Variants in SCRG1 observed in about 807,000 individuals in gnomAD.
SCRG1 encodes stimulator of chondrogenesis 1, also known as scrapie-responsive protein 1.
In SCRG1, 3 loss-of-function variants were observed where a neutral mutation model predicts 7.7. The observed-to-expected ratio is 0.39, with a 90% CI of 0.18 to 1.01. The LOEUF (loss-of-function observed/expected upper bound fraction) is 1.01, where lower values mean the gene tolerates loss of function less well. Ranked by LOEUF, SCRG1 falls within the 50% of genes least tolerant of loss-of-function variation. SCRG1 has a pLI of 0.36. For missense variants in SCRG1, 110 were observed against 117.2 expected (o/e 0.94, Z 0.28); for synonymous variants, 46 against 41.2 (o/e 1.12, Z -0.44).
chr4:173,514,223 G>A, the SCRG1 span, among the ~76,000 whole-genome samples: 3 of 152,220 alleles, frequency 2.0e-5, no homozygotes, highest in Non-Finnish European at 4.4e-5. Context: ...AGACTTGTCA[G>A]TTTAAAGCCA....
At chr4:173,444,953 G>T in the SCRG1 span, among the ~76,000 whole-genome samples, 136 of 152,138 alleles carry the variant, frequency 8.9e-4, 1 homozygote, top group Middle Eastern at 6.8e-3. Flanking sequence ...CCAAGAAAGC[G>T]TAATAATTGA....
intron 1 of SCRG1, 136 bp from the exon 2 acceptor site, chr4:173,391,564 G>C: frequency 3.5e-6 from 3 of 852,344 alleles, no homozygotes; most frequent in Non-Finnish European, 5.5e-6. Context: ...AATCCTGTTT[G>C]TGTTTCTCAA....
the SCRG1 span, chr4:173,419,679 C>T: frequency 1.3e-6 from 1 of 798,838 alleles, no homozygotes; most frequent in East Asian, 2.5e-5. Context: ...CCATCCACAG[C>T]TCCCTTCGGG....
chr4:173,435,567 A>G, the SCRG1 span, among the ~76,000 whole-genome samples: 1 of 152,238 alleles, frequency 6.6e-6, no homozygotes, highest in East Asian at 1.9e-4. Context: ...AGGTGACTTC[A>G]AAACTGTCCA....
At chr4:173,512,943 C>T in the SCRG1 span, among the ~76,000 whole-genome samples, 3 of 152,314 alleles carry the variant, frequency 2.0e-5, no homozygotes, top group Non-Finnish European at 2.9e-5. Flanking sequence ...CAAGTCTACA[C>T]ATAGTTATTA....
At chr4:173,485,036 T>A in the SCRG1 span, among the ~76,000 whole-genome samples, 2,715 of 10,860 alleles carry the variant, frequency 0.25, 554 homozygotes, top group East Asian at 0.4. Context: ...ATATTATATA[T>A]TATATATTAT....
the SCRG1 span, among the ~76,000 whole-genome samples, chr4:173,477,204 G>A: frequency 2.0e-5 from 3 of 152,092 alleles, no homozygotes. Context: ...CACTTATCTC[G>A]TGTCTCATAT....
the SCRG1 span, among the ~76,000 whole-genome samples, chr4:173,460,514 G>A: frequency 6.6e-6 from 1 of 152,198 alleles, no homozygotes; most frequent in African/African-American, 2.4e-5. Context: ...GACTCATGAG[G>A]CCTCCATTCC....
the SCRG1 span, among the ~76,000 whole-genome samples, chr4:173,465,396 C>A: frequency 6.6e-6 from 1 of 152,014 alleles, no homozygotes; most frequent in Non-Finnish European, 1.5e-5. Context: ...ATTAACAGGG[C>A]AACTGATAAA....
the SCRG1 span, among the ~76,000 whole-genome samples, chr4:173,508,191 G>A: frequency 3.9e-5 from 6 of 152,240 alleles, no homozygotes; most frequent in Non-Finnish European, 8.8e-5. The surrounding 1 kb of genome is among the most constrained non-coding windows in gnomAD (Gnocchi z 4.4). Flanking sequence ...AATGTACAGA[G>A]CAAGACTTGA....
At chr4:173,418,571 C>G in the SCRG1 span, among the ~76,000 whole-genome samples, 13 of 152,216 alleles carry the variant, frequency 8.5e-5, no homozygotes, top group African/African-American at 3.1e-4. Context: ...AGTTTGAACA[C>G]GAGTCTGGTT....
chr4:173,410,737 C>G (rs1280529239), upstream of SCRG1, among the ~76,000 whole-genome samples: 1 of 152,114 alleles, frequency 6.6e-6, no homozygotes, highest in African/African-American at 2.4e-5. Flanking sequence ...TCTCTAAGAG[C>G]TGAAGGGTTT....
the SCRG1 span, among the ~76,000 whole-genome samples, chr4:173,482,966 T>A: frequency 3.0e-5 from 4 of 133,534 alleles, no homozygotes; most frequent in Middle Eastern, 3.8e-3. Flanking sequence ...GTACATATTG[T>A]ATATATAATA....
the SCRG1 span, among the ~76,000 whole-genome samples, chr4:173,433,981 C>A: frequency 6.6e-6 from 1 of 152,208 alleles, no homozygotes; most frequent in Non-Finnish European, 1.5e-5. Flanking sequence ...CTTAGTGCCT[C>A]TTTGCTTTTT....
At chr4:173,483,216 TA>T in the SCRG1 span, among the ~76,000 whole-genome samples, 8 of 33,992 alleles carry the variant, frequency 2.4e-4, no homozygotes, top group East Asian at 3.7e-3. Flanking sequence ...ATATATCATA[TA>T]ATATATATAT....
the SCRG1 span, among the ~76,000 whole-genome samples, chr4:173,479,467 G>C: frequency 7.2e-6 from 1 of 138,854 alleles, no homozygotes; most frequent in Non-Finnish European, 1.5e-5. Flanking sequence ...TTGAGACAGA[G>C]TCTTGCTCTG....
intron 1 of SCRG1, among the ~76,000 whole-genome samples, chr4:173,393,151 T>G: frequency 6.6e-6 from 1 of 152,142 alleles, no homozygotes; most frequent in Non-Finnish European, 1.5e-5. Context: ...AAGTTTTTAG[T>G]GATTAGGTAT....
intron 1 of SCRG1, 21 bp downstream of exon 1, chr4:173,399,047 T>G (rs967696737): frequency 6.6e-6 from 1 of 152,248 alleles, no homozygotes; most frequent in Non-Finnish European, 1.5e-5. Flanking sequence ...AGATGTTTTT[T>G]ATAGAGAAAA....
At chr4:173,402,215 G>A (rs1739780200), upstream of SCRG1, among the ~76,000 whole-genome samples, 1 of 152,120 alleles carries the variant, frequency 6.6e-6, no homozygotes, top group African/African-American at 2.4e-5. Flanking sequence ...CAGAAAATAT[G>A]TCCAGCTATG....
Sources: allele counts gnomAD v4.1 joint callset (sites outside exome capture counted in the v4.1 genomes callset), GRCh38; gene constraint gnomAD v4.1.1; non-coding constraint Gnocchi (gnomAD v3.1); transcripts MANE v1.5; gene names NCBI Gene and HGNC (gene_info 2026-07-23, HGNC 2026-07-21).